TENT2: variants seen among roughly 807,000 people sequenced by gnomAD.
TENT2 encodes poly(A) RNA polymerase GLD2.
TENT2 carries 44 observed loss-of-function variants against 72.2 expected under a neutral mutation model. The observed-to-expected ratio is 0.61, with a 90% CI of 0.48 to 0.78. The LOEUF is 0.78. TENT2 is among the 30% of genes least tolerant of loss of function. The pLI, the probability that TENT2 is intolerant of heterozygous loss-of-function variation, is 0.00. For synonymous variants in TENT2, 212 were observed against 192.5 expected (o/e 1.10, Z -0.84); for missense variants, 541 against 569.6 (o/e 0.95, Z 0.51).
intron 4 of TENT2, among the ~76,000 whole-genome samples, chr5:79,631,226 CT>C (rs1267151725): frequency 6.6e-6 from 1 of 152,148 alleles, no homozygotes; most frequent in Non-Finnish European, 1.5e-5. Flanking sequence ...CAAAATTGCC[CT>C]AGTTGAAAAC....
chr5:79,687,447 TC>T lies in TENT2; in HGVS notation c.*2177del, dbSNP rs1326008999. ...ATACCAAAATCCACAGATACTCAAGTCCCTTATATAAAATGGTGTAGTGTTT... is the reference window on the plus strand; with the variant it reads ...ATACCAAAATCCACAGATACTCAAGTCCTTATATAAAATGGTGTAGTGTTT... On this transcript the variant is annotated 3_prime_UTR_variant, in exon 15 of 15. Coordinates refer to ENST00000453514, the MANE Select transcript of TENT2 (RefSeq NM_001114394.3). Among the ~76,000 whole-genome samples the T allele has an allele frequency of 6.6e-6, 1 of 152,148 alleles. No individual in the cohort carries two copies. Among genetic ancestry groups the T allele is most frequent in the Non-Finnish European group, 1.5e-5 (1 of 68,024 alleles).
chr5:79,623,155 T>G, intron 3 of TENT2, 97 bp from the exon 4 acceptor site: 2 of 817,340 alleles, frequency 2.4e-6, no homozygotes, highest in East Asian at 5.5e-5. Context: ...AATCATATTG[T>G]CATTATCTCT....
chr5:79,633,455 T>TTTG (rs1777267687), intron 4 of TENT2, among the ~76,000 whole-genome samples: 1 of 149,374 alleles, frequency 6.7e-6, no homozygotes, highest in Non-Finnish European at 1.5e-5. Context: ...TTTTTTTTTT[T>TTTG]TTGAGACAGA....
chr5:79,669,957 G>A (rs762529347), intron 12 of TENT2, among the ~76,000 whole-genome samples: 36 of 152,092 alleles, frequency 2.4e-4, no homozygotes, highest in Non-Finnish European at 4.0e-4. Context: ...GGCCGGGCGC[G>A]GTAGCTCATG....
chr5:79,622,642 C>T (rs59165449), intron 3 of TENT2, among the ~76,000 whole-genome samples: 30,861 of 152,008 alleles, frequency 0.2, 4,628 homozygotes, highest in African/African-American at 0.42. Flanking sequence ...TACCTTAAAA[C>T]ATGTCAGCTT....
chr5:79,630,570 C>G (rs1162046184), intron 4 of TENT2, among the ~76,000 whole-genome samples: 9 of 152,078 alleles, frequency 5.9e-5, no homozygotes, highest in Non-Finnish European at 1.3e-4. Context: ...GAGTGAGACT[C>G]TGTCTCAAAA....
intron 4 of TENT2, among the ~76,000 whole-genome samples, chr5:79,626,467 C>T (rs997019105): frequency 2.0e-5 from 3 of 151,372 alleles, no homozygotes; most frequent in South Asian, 2.1e-4. Flanking sequence ...GCCACCAAAC[C>T]CAGCTAATTT....
rs1756094670 is a variant in TENT2 at position 79,612,655 on chromosome 5, C to T, written c.-458C>T. The T allele has an allele frequency of 6.5e-6, 1 of 152,822 alleles. No individual in the cohort carries two copies. The highest frequency in any genetic ancestry group is 2.1e-4 in the South Asian group (1 of 4,840). The allele number at this position is 152,822 out of a possible 1,614,324, so 9.5% of individuals were successfully genotyped here. A position where few individuals can be genotyped will look rare whatever the true frequency, so the allele number is the denominator to read the frequency against. On this transcript the variant is annotated 5_prime_UTR_variant, in exon 1 of 15. Coordinates refer to ENST00000453514, the MANE Select transcript of TENT2 (RefSeq NM_001114394.3). ...TGGGCCTAGCTGTCCCACGGGCCAC[C>T]ACTACCTCCTTTGGTTCGGGAGAAA...
chr5:79,633,939 G>A (rs1408563754), intron 4 of TENT2, among the ~76,000 whole-genome samples: 2 of 147,554 alleles, frequency 1.4e-5, no homozygotes, highest in African/African-American at 2.5e-5. Context: ...AGATCACGAG[G>A]TCAGGAGATC....
chr5:79,641,065 A>T, intron 5 of TENT2, 40 bp from the exon 6 acceptor site: 1 of 1,520,052 alleles, frequency 6.6e-7, no homozygotes, highest in Non-Finnish European at 8.8e-7. Context: ...CACCTACTTT[A>T]GATTTTAAAT....
chr5:79,643,741 T>C (rs1436597864), intron 7 of TENT2, among the ~76,000 whole-genome samples: 1 of 152,144 alleles, frequency 6.6e-6, no homozygotes, highest in Non-Finnish European at 1.5e-5. Flanking sequence ...TTTTAATAGC[T>C]ATTTGAATCA....
At chr5:79,641,018 T>C (rs1190309985) in intron 5 of TENT2, 53 bp downstream of exon 5, 4 of 1,491,670 alleles carry the variant, frequency 2.7e-6, no homozygotes, top group African/African-American at 1.4e-5. Context: ...CTATTTTAAA[T>C]TTTATCTTTT....
intron 12 of TENT2, among the ~76,000 whole-genome samples, chr5:79,673,846 C>T (rs2052476): frequency 0.11 from 17,300 of 151,238 alleles, 1,118 homozygotes; most frequent in East Asian, 0.29. Context: ...TGGTATTTAA[C>T]GCTATGAAAC....
chr5:79,646,880 C>T (rs567275807), intron 8 of TENT2, among the ~76,000 whole-genome samples: 1 of 151,810 alleles, frequency 6.6e-6, no homozygotes, highest in African/African-American at 2.4e-5. Flanking sequence ...GTGATCCTCC[C>T]ATCTCAGCCT....
At chr5:79,675,697 A>C (rs535043526) in intron 12 of TENT2, among the ~76,000 whole-genome samples, 19 of 152,302 alleles carry the variant, frequency 1.2e-4, no homozygotes, top group Admixed American at 3.9e-4. Context: ...AGTTGAGAGT[A>C]TGTGAAAGGG....
At chr5:79,647,006 C>G (rs141413229) in intron 8 of TENT2, among the ~76,000 whole-genome samples, 2 of 152,166 alleles carry the variant, frequency 1.3e-5, no homozygotes, top group African/African-American at 4.8e-5. Flanking sequence ...TGGCCTCAAG[C>G]AATCCTTCTA....
intron 10 of TENT2, among the ~76,000 whole-genome samples, chr5:79,651,171 G>GT (rs527505024): frequency 6.8e-6 from 1 of 147,984 alleles, no homozygotes; most frequent in Non-Finnish European, 1.5e-5. Flanking sequence ...TCTGGCTTTT[G>GT]TTTTTTTTGC....
At chr5:79,664,921 C>T (rs1458128664) in intron 11 of TENT2, among the ~76,000 whole-genome samples, 1 of 152,142 alleles carries the variant, frequency 6.6e-6, no homozygotes, top group African/African-American at 2.4e-5. Context: ...ATGCTTCACA[C>T]TTCAGTCTGA....
chr5:79,681,941 T>C, intron 13 of TENT2, 41 bp from the exon 14 acceptor site: 1 of 1,524,860 alleles, frequency 6.6e-7, no homozygotes, highest in Non-Finnish European at 9.0e-7. Context: ...GTAGCTCTCA[T>C]TTTAATAATT....
Sources: allele counts gnomAD v4.1 joint callset (sites outside exome capture counted in the v4.1 genomes callset), GRCh38; gene constraint gnomAD v4.1.1; transcripts MANE v1.5; gene names NCBI Gene and HGNC (gene_info 2026-07-23, HGNC 2026-07-21).